USP54: variants seen among roughly 807,000 people sequenced by gnomAD.
The protein encoded by USP54 is ubiquitin carboxyl-terminal hydrolase 54.
A neutral mutation model predicts 170.5 loss-of-function variants in USP54; 87 were observed. The ratio of observed to expected loss-of-function variants is 0.51; its 90% confidence interval spans 0.43 to 0.61. The LOEUF (loss-of-function observed/expected upper bound fraction) is 0.61. Among genes scored for constraint, USP54 ranks in the 20% least tolerant of loss-of-function variants. The pLI is 0.00. For synonymous variants in USP54, 655 were observed against 742.8 expected (o/e 0.88, Z 1.92); for missense variants, 1,786 against 2,047.8 (o/e 0.87, Z 2.47).
At chr10:73,589,755 C>T (rs2078002832) in intron 1 of USP54, among the ~76,000 whole-genome samples, 1 of 152,102 alleles carries the variant, frequency 6.6e-6, no homozygotes, top group South Asian at 2.1e-4. Flanking sequence ...ACAAGCAACT[C>T]CAGTGTGAGA....
chr10:73,531,201 G>A (rs757846103), intron 12 of USP54, among the ~76,000 whole-genome samples: 6 of 151,642 alleles, frequency 4.0e-5, no homozygotes, highest in African/African-American at 1.5e-4. Context: ...AGAGGCTAAG[G>A]CATTAGAATC....
In USP54 at chr10:73,499,060, A is replaced by G. The variant is rs761921119; in HGVS notation, c.4624T>C (p.Trp1542Arg). The G allele has an allele frequency of 4.3e-6, 7 of 1,614,180 alleles. No homozygotes were observed. The Admixed American group carries it at 1.2e-4, about 27-fold the overall frequency. ...LPHRSRTDNSWAPWSETNQHI... is the reference protein window; with the variant it reads ...LPHRSRTDNSRAPWSETNQHI... ...TGGTTGGTCTCTGACCAGGGTGCCC[A>G]GGAGTTGTCTGTTCTGGAGCGATGG... Residue 1542 changes from tryptophan (W) to arginine (R), a missense_variant, in exon 24 of 24, where the codon TGG becomes CGG. Physicochemically the swap from Trp to Arg is moderately radical, Grantham distance 101. This residue lies in a region of USP54 where 1,418 missense variants were observed against 1,569.0 expected (regional missense o/e 0.90). Coordinates refer to ENST00000687698, the MANE Select transcript of USP54 (RefSeq NM_001391956.1).
Position 73,585,300 on chromosome 10 carries a change from A to G in USP54, c.-582+5978T>C, listed in dbSNP as rs145994086. Among the ~76,000 whole-genome samples the G allele has an allele frequency of 2.3e-3, 356 of 152,346 alleles. 1 individual carries two copies. Among genetic ancestry groups the G allele is most frequent in the Admixed American group, 4.8e-3 (73 of 15,298 alleles). On this transcript the variant is annotated intron_variant, in intron 1 of 23. Transcript: ENST00000687698. ...TGTTAAGCCATGTTTGCACTGCTAT[A>G]AAGAAATACCCAAGGCTGGGTAATT...
At chr10:73,609,813 C>A (rs1344182587) in intron 1 of USP54, among the ~76,000 whole-genome samples, 2 of 149,460 alleles carry the variant, frequency 1.3e-5, no homozygotes, top group Non-Finnish European at 3.0e-5. Context: ...CACTGCACTC[C>A]AGCCTGGCTA....
At chr10:73,527,951 T>C (rs1419377495) in intron 15 of USP54, among the ~76,000 whole-genome samples, 2 of 152,178 alleles carry the variant, frequency 1.3e-5, no homozygotes, top group African/African-American at 2.4e-5. Context: ...TCCATTCTTT[T>C]TGAGATGGAG....
At chr10:73,558,130 T>TCGGCCCCACA (rs1368165933) in intron 4 of USP54, among the ~76,000 whole-genome samples, 2 of 152,116 alleles carry the variant, frequency 1.3e-5, no homozygotes, top group Admixed American at 1.3e-4. Flanking sequence ...TCCGCCCACT[T>TCGGCCCCACA]CGGCCCCACA....
intron 4 of USP54, among the ~76,000 whole-genome samples, chr10:73,555,943 T>C (rs2070868313): frequency 6.6e-6 from 1 of 152,208 alleles, no homozygotes; most frequent in Non-Finnish European, 1.5e-5. Context: ...ATTCATTTTA[T>C]ACTATTCAAG....
intron 1 of USP54, among the ~76,000 whole-genome samples, chr10:73,619,121 G>A (rs985387263): frequency 6.6e-6 from 1 of 150,470 alleles, no homozygotes; most frequent in Non-Finnish European, 1.5e-5. Context: ...GCTGAAGCAT[G>A]GGAATCACTT....
At chr10:73,504,776 T>C in intron 22 of USP54, 74 bp downstream of exon 22, 1 of 1,599,104 alleles carries the variant, frequency 6.3e-7, no homozygotes, top group African/African-American at 1.3e-5. Context: ...TTCTCCCTGC[T>C]TCTTCACCTG....
At chr10:73,570,994 C>T (rs969270247) in intron 4 of USP54, among the ~76,000 whole-genome samples, 2 of 151,756 alleles carry the variant, frequency 1.3e-5, no homozygotes, top group South Asian at 2.1e-4. Flanking sequence ...AAAAATTAAC[C>T]GAGCATGGTG....
chr10:73,499,783 G>A (rs2057691984), intron 23 of USP54: 1 of 152,534 alleles, frequency 6.6e-6, no homozygotes. Flanking sequence ...TGATCTCTGA[G>A]ATCTAATGTG....
intron 4 of USP54, among the ~76,000 whole-genome samples, chr10:73,558,984 C>T (rs2072019906): frequency 6.6e-6 from 1 of 151,920 alleles, no homozygotes; most frequent in South Asian, 2.1e-4. Flanking sequence ...TGTCACAAAT[C>T]TCAAAAAATT....
At chr10:73,595,799 C>A (rs74821609), upstream of USP54, among the ~76,000 whole-genome samples, 5,362 of 152,210 alleles carry the variant, frequency 0.035, 154 homozygotes, top group South Asian at 0.11. Context: ...CAAAGAATTA[C>A]CTAAATGCTA....
rs2063733794 is a variant in USP54, at chr10:73,530,329, G to A, written c.1642C>T (p.Leu548=). The change falls in exon 14 of 24, where the codon CTG becomes TTG. Residue 548 remains leucine (L), a synonymous_variant. Coordinates refer to ENST00000687698, the MANE Select transcript of USP54 (RefSeq NM_001391956.1). ...TCCCAGTCACGAGAGTGTAAAGGCA[G>A]GGTCCTAGGAGGTTTTTTGTCAGGC... ...DQPDKKPPRT[L]PLHSRDWEIE... 6.2e-7 allele frequency: 1 copy of A among 1,614,066 alleles called. No individual in the cohort carries two copies. Among genetic ancestry groups the A allele is most frequent in the Non-Finnish European group, 8.5e-7 (1 of 1,179,996 alleles).
intron 20 of USP54, among the ~76,000 whole-genome samples, chr10:73,509,530 G>A (rs868236112): frequency 1.5e-4 from 23 of 150,686 alleles, no homozygotes; most frequent in South Asian, 4.2e-4. Context: ...CAGGAGAATC[G>A]CATTAACCTG....
chr10:73,504,657 A>T, intron 22 of USP54, 193 bp downstream of exon 22: 1 of 734,478 alleles, frequency 1.4e-6, no homozygotes, highest in South Asian at 1.9e-5. Flanking sequence ...TGCTACATGG[A>T]ATGGACATTC....
At chr10:73,577,155 A>G (rs776880912) in intron 1 of USP54, among the ~76,000 whole-genome samples, 2 of 152,236 alleles carry the variant, frequency 1.3e-5, no homozygotes, top group African/African-American at 2.4e-5. Flanking sequence ...TAAGGCTGCC[A>G]TGTCCATCTA....
intron 3 of USP54, among the ~76,000 whole-genome samples, chr10:73,573,311 TAAAG>T (rs915740544): frequency 1.3e-5 from 2 of 151,542 alleles, no homozygotes; most frequent in Admixed American, 1.3e-4. Flanking sequence ...GAGAAAGAAA[TAAAG>T]AAAGAAAACT....
At position 73,501,178 on chromosome 10, in the gene USP54, A is replaced by T. The variant is rs753723128; in HGVS notation, c.4312-340T>A. Reference sequence around the variant, plus strand: ...TTAAAAATAAAAACGAAATATGAGAAATTCAGAAAGCCTGAGAGAATGAGA... The same window carrying T: ...TTAAAAATAAAAACGAAATATGAGATATTCAGAAAGCCTGAGAGAATGAGA... On this transcript the variant is annotated intron_variant, in intron 22 of 23. Coordinates refer to ENST00000687698, the MANE Select transcript of USP54 (RefSeq NM_001391956.1). 5.3e-5 allele frequency among the ~76,000 whole-genome samples: 8 copies of T among 152,202 alleles called. 1 individual carries two copies. The South Asian group carries it at 6.2e-4, about 12-fold the overall frequency.
Sources: gnomAD v4.1 joint callset for allele counts (sites outside exome capture counted in the v4.1 genomes callset) on GRCh38, gnomAD v4.1.1 for gene constraint, gnomAD v4.1.1 regional missense constraint, MANE v1.5 for transcripts, NCBI Gene and HGNC (gene_info 2026-07-23, HGNC 2026-07-21) for gene names.